MAPKAPK3: variants seen among roughly 807,000 people sequenced by gnomAD.
MAPKAPK3 encodes MAPK activated protein kinase 3, also known as MAP kinase-activated protein kinase 3.
Under a neutral mutation model 49.2 loss-of-function variants are expected in MAPKAPK3, and 35 were observed. The observed-to-expected ratio is 0.71, with a 90% CI of 0.54 to 0.94. The LOEUF (loss-of-function observed/expected upper bound fraction) is 0.94. MAPKAPK3 is among the 40% of genes least tolerant of loss of function. The pLI, the probability that MAPKAPK3 is intolerant of heterozygous loss-of-function variation, is 0.00. For synonymous variants in MAPKAPK3, 178 were observed against 188.7 expected, an observed-to-expected ratio of 0.94 and a Z score of 0.46; for missense variants, 398 against 493.1, an observed-to-expected ratio of 0.81 and a Z score of 1.83.
At chr3:50,632,656 T>TG (rs1329913699) in intron 2 of MAPKAPK3, among the ~76,000 whole-genome samples, 1 of 152,240 alleles carries the variant, frequency 6.6e-6, no homozygotes, top group Non-Finnish European at 1.5e-5. Flanking sequence ...GCCTCGTTGA[T>TG]GGGAGAGATA....
intron 2 of MAPKAPK3, among the ~76,000 whole-genome samples, chr3:50,625,701 C>T (rs905172448): frequency 5.3e-5 from 8 of 152,328 alleles, no homozygotes; most frequent in Middle Eastern, 3.4e-3. Context: ...CCTCGTCCCT[C>T]TCATTTCTCC....
rs895391490 is a variant in MAPKAPK3, at chr3:50,648,888, C to T, written c.*842C>T. The T allele has an allele frequency of 8.5e-5, 13 of 152,284 alleles. No homozygotes were observed. Among genetic ancestry groups the T allele is most frequent in the African/African-American group, 2.9e-4 (12 of 41,476 alleles). 9.4% of individuals were successfully genotyped at this position (152,284 alleles called of 1,614,324 possible). A position where few individuals can be genotyped will look rare whatever the true frequency, so the allele number is the denominator to read the frequency against. The stretch of plus-strand genomic sequence containing the variant: ...CACCAGATCTCAGGCAGGAAAGCCC[C>T]TCTCTGTTGAAGTCAGGGGCTATCT... On this transcript the variant is annotated 3_prime_UTR_variant, in exon 11 of 11. Coordinates refer to ENST00000621469, the MANE Select transcript of MAPKAPK3 (RefSeq NM_001243925.2).
intron 2 of MAPKAPK3, among the ~76,000 whole-genome samples, chr3:50,635,391 C>T (rs1165122867): frequency 7.2e-6 from 1 of 139,536 alleles, no homozygotes; most frequent in African/African-American, 2.6e-5. Flanking sequence ...CTCACTGGGG[C>T]CTCCTCAATT....
chr3:50,649,283 A>G lies in MAPKAPK3; in HGVS notation c.*1237A>G, dbSNP rs184049879. The G allele has an allele frequency of 6.6e-6, 1 of 152,378 alleles. No homozygotes were observed. Among genetic ancestry groups the G allele is most frequent in the East Asian group, 1.9e-4 (1 of 5,182 alleles). 9.4% of individuals were successfully genotyped at this position (152,378 alleles called of 1,614,324 possible). A position where few individuals can be genotyped will look rare whatever the true frequency, so the allele number is the denominator to read the frequency against. On this transcript the variant is annotated 3_prime_UTR_variant, in exon 11 of 11. Coordinates refer to ENST00000621469, the MANE Select transcript of MAPKAPK3 (RefSeq NM_001243925.2). ...TCCAGATAGTAATAAACACCATTTC[A>G]TCATTTTCTCTTGGCTCCTGGGTTT...
chr3:50,643,976 T>C (rs982929676), intron 5 of MAPKAPK3, among the ~76,000 whole-genome samples: 9 of 152,112 alleles, frequency 5.9e-5, no homozygotes, highest in African/African-American at 1.2e-4. Context: ...ACCAGGGCCT[T>C]CTCCCCTGAG....
intron 2 of MAPKAPK3, among the ~76,000 whole-genome samples, chr3:50,620,266 A>G (rs986049944): frequency 6.6e-6 from 1 of 152,142 alleles, no homozygotes; most frequent in African/African-American, 2.4e-5. Flanking sequence ...GCCTGGGCCC[A>G]GGGAGCTTAG....
At chr3:50,629,258 T>C (rs920120586) in intron 2 of MAPKAPK3, among the ~76,000 whole-genome samples, 4 of 152,102 alleles carry the variant, frequency 2.6e-5, no homozygotes, top group African/African-American at 4.8e-5. Context: ...ACCTGCTGAA[T>C]TGGAGAGGTT....
At chr3:50,616,118 A>G (rs750052447), upstream of MAPKAPK3, among the ~76,000 whole-genome samples, 2 of 152,220 alleles carry the variant, frequency 1.3e-5, no homozygotes, top group Non-Finnish European at 2.9e-5. Context: ...AGATGACAGC[A>G]GAGGCCCATG....
At chr3:50,627,984 A>T (rs1176737690) in intron 2 of MAPKAPK3, among the ~76,000 whole-genome samples, 1 of 152,138 alleles carries the variant, frequency 6.6e-6, no homozygotes, top group Non-Finnish European at 1.5e-5. Flanking sequence ...AGAGATGCTG[A>T]GCAGATATGA....
chr3:50,632,174 GAA>G (rs2107586405), intron 2 of MAPKAPK3, among the ~76,000 whole-genome samples: 2 of 152,370 alleles, frequency 1.3e-5, no homozygotes, highest in Non-Finnish European at 2.9e-5. Context: ...GGTGTTGCCA[GAA>G]GGTTTTCTCC....
intron 2 of MAPKAPK3, among the ~76,000 whole-genome samples, chr3:50,627,184 C>CA (rs144747460): frequency 2.3e-4 from 21 of 91,280 alleles, no homozygotes; most frequent in African/African-American, 8.5e-4. Flanking sequence ...AACTCCATCT[C>CA]AAAAAAAAAA....
chr3:50,611,819 C>T (rs1559479860), upstream of MAPKAPK3: 10 of 870,942 alleles, frequency 1.1e-5, no homozygotes, highest in Non-Finnish European at 1.6e-5. Context: ...GGGGGGCGGG[C>T]CAGACGAGCG....
chr3:50,642,042 A>G (rs1045655245), intron 4 of MAPKAPK3, among the ~76,000 whole-genome samples: 4 of 152,044 alleles, frequency 2.6e-5, no homozygotes, highest in Admixed American at 6.5e-5. Context: ...GACTGAGGAA[A>G]GAAGTTTAGA....
chr3:50,627,383 C>T (rs919331368), intron 2 of MAPKAPK3, among the ~76,000 whole-genome samples: 2 of 151,922 alleles, frequency 1.3e-5, no homozygotes, highest in African/African-American at 4.8e-5. Flanking sequence ...TCAGAGGGTG[C>T]CCCAGGATGC....
Position 50,617,787 on chromosome 3 carries a change from C to A in MAPKAPK3, c.219+3C>A. ...CTGGACAGAAGTGTGCCCTGAAGGTCAGTGAGCCCTCACTGAGGCCTGGGG... is the reference window on the plus strand; with the variant it reads ...CTGGACAGAAGTGTGCCCTGAAGGTAAGTGAGCCCTCACTGAGGCCTGGGG... On this transcript the variant is annotated splice_donor_region_variant and intron_variant, in intron 2 of 10. Coordinates refer to ENST00000621469, the MANE Select transcript of MAPKAPK3 (RefSeq NM_001243925.2). 1 of 1,612,072 alleles carries A rather than the reference C, an allele frequency of 6.2e-7. No homozygotes were observed. Among genetic ancestry groups the A allele is most frequent in the South Asian group, 1.1e-5 (1 of 91,016 alleles).
At chr3:50,634,881 A>G (rs2032997517) in intron 2 of MAPKAPK3, among the ~76,000 whole-genome samples, 1 of 152,168 alleles carries the variant, frequency 6.6e-6, no homozygotes, top group Non-Finnish European at 1.5e-5. Flanking sequence ...AGGCATGTGG[A>G]TATGGAGGCC....
At chr3:50,624,942 A>T (rs2032702914) in intron 2 of MAPKAPK3, among the ~76,000 whole-genome samples, 1 of 152,128 alleles carries the variant, frequency 6.6e-6, no homozygotes, top group African/African-American at 2.4e-5. Flanking sequence ...TTCCCTGGAG[A>T]ACATTAGTTC....
chr3:50,622,476 T>G (rs575081381), intron 2 of MAPKAPK3, among the ~76,000 whole-genome samples: 1 of 152,196 alleles, frequency 6.6e-6, no homozygotes, highest in Admixed American at 6.5e-5. Flanking sequence ...TTTGACCCCT[T>G]TGATAATACT....
intron 2 of MAPKAPK3, among the ~76,000 whole-genome samples, chr3:50,637,294 T>C (rs2033064521): frequency 6.6e-6 from 1 of 152,152 alleles, no homozygotes; most frequent in African/African-American, 2.4e-5. Flanking sequence ...TTGACCTGCC[T>C]CTGCCCTCAA....
Sources: allele counts gnomAD v4.1 joint callset (sites outside exome capture counted in the v4.1 genomes callset), GRCh38; gene constraint gnomAD v4.1.1; transcripts MANE v1.5; gene names NCBI Gene and HGNC (gene_info 2026-07-23, HGNC 2026-07-21).